Variants in GCNT2 observed in about 807,000 individuals in gnomAD.
GCNT2 encodes N-acetyllactosaminide beta-1,6-N-acetylglucosaminyl-transferase.
GCNT2 carries 34 observed loss-of-function variants against 34.2 expected under a neutral mutation model. The observed-to-expected ratio is 1.00, with a 90% CI of 0.76 to 1.32. The LOEUF is 1.32. Ranked by LOEUF, GCNT2 falls within the 40% of genes most tolerant of loss-of-function variation. The pLI is 0.00. For missense variants in GCNT2, 584 were observed against 489.4 expected (o/e 1.19, Z -1.82); for synonymous variants, 212 against 188.0 (o/e 1.13, Z -1.04).
Position 10,572,733 on chromosome 6 carries a change from C to CA in GCNT2, c.925+42906dup, listed in dbSNP as rs533706715. ...TGGATGACAGAGCGAGACTCCGTCTCAAAAAAAAATAAAAATAAAAATAAA... is the reference window on the plus strand; with the variant it reads ...TGGATGACAGAGCGAGACTCCGTCTCAAAAAAAAAATAAAAATAAAAATAAA... On this transcript the variant is annotated intron_variant, in intron 3 of 4. Transcript: ENST00000495262. 6.8e-3 allele frequency among the ~76,000 whole-genome samples: 1,014 copies of CA among 148,052 alleles called. 15 individuals are homozygous for CA. Among genetic ancestry groups the CA allele is most frequent in the Admixed American group, 0.038 (567 of 14,888 alleles).
At chr6:10,586,249 C>A in intron 3 of GCNT2, 1 of 1,614,152 alleles carries the variant, frequency 6.2e-7, no homozygotes. Context: ...ATCACAAGTC[C>A]CCTGTCGGAA....
At chr6:10,572,729 G>A (rs1763608530) in intron 3 of GCNT2, among the ~76,000 whole-genome samples, 1 of 151,478 alleles carries the variant, frequency 6.6e-6, no homozygotes, top group South Asian at 2.1e-4. Context: ...GCGAGACTCC[G>A]TCTCAAAAAA....
intron 3 of GCNT2, among the ~76,000 whole-genome samples, chr6:10,564,545 C>A (rs1177674854): frequency 1.3e-5 from 2 of 152,214 alleles, no homozygotes; most frequent in Non-Finnish European, 2.9e-5. Context: ...CCCCCGACAT[C>A]TGTCAACCTT....
chr6:10,540,837 C>T (rs1249329432), intron 3 of GCNT2, among the ~76,000 whole-genome samples: 3 of 152,144 alleles, frequency 2.0e-5, no homozygotes, highest in African/African-American at 4.8e-5. Flanking sequence ...TCCCCCATCA[C>T]TTCCACCAAC....
chr6:10,598,203 C>G (rs554015025), intron 3 of GCNT2, among the ~76,000 whole-genome samples: 3 of 152,306 alleles, frequency 2.0e-5, no homozygotes, highest in African/African-American at 7.2e-5. Context: ...TTTTGTTTCC[C>G]TGCTGTCAGA....
rs554768356 is a variant in GCNT2 at position 10,598,972 on chromosome 6, A to C, written c.926-22379A>C. The stretch of plus-strand genomic sequence containing the variant: ...GCATGGTGCCTAGTAAGTGTAAATA[A>C]GTGTTGTATTTATTCCACCCAATTG... On this transcript the variant is annotated intron_variant, in intron 3 of 4. Coordinates refer to ENST00000495262, the MANE Select transcript of GCNT2 (RefSeq NM_145649.5). 1.0e-3 allele frequency among the ~76,000 whole-genome samples: 153 copies of C among 152,300 alleles called. 2 individuals carry two copies. Among genetic ancestry groups the C allele is most frequent in the Admixed American group, 9.0e-3 (138 of 15,300 alleles).
At chr6:10,583,172 C>T (rs1236239282) in intron 3 of GCNT2, among the ~76,000 whole-genome samples, 4 of 152,168 alleles carry the variant, frequency 2.6e-5, no homozygotes, top group African/African-American at 7.2e-5. Flanking sequence ...CAAAGATCCC[C>T]GCCAACTCTC....
chr6:10,587,377 G>T (rs1222699856), intron 3 of GCNT2, among the ~76,000 whole-genome samples: 3 of 152,192 alleles, frequency 2.0e-5, no homozygotes, highest in Non-Finnish European at 4.4e-5. Context: ...AATCTTGGAA[G>T]CTGCTTCGGA....
chr6:10,601,943 G>GAAAAAAA (rs57927445), intron 3 of GCNT2, among the ~76,000 whole-genome samples: 2 of 113,054 alleles, frequency 1.8e-5, no homozygotes, highest in Non-Finnish European at 1.8e-5. Context: ...TCCATCTCAA[G>GAAAAAAA]AAAAAAAAAA....
intron 3 of GCNT2, among the ~76,000 whole-genome samples, chr6:10,552,300 T>TA (rs55844045): frequency 0.019 from 2,726 of 142,438 alleles, 40 homozygotes; most frequent in South Asian, 0.064. Flanking sequence ...ATTATCATGT[T>TA]AAAAAAAAAA....
chr6:10,600,458 GATAGTGGT>G (rs2127426759), intron 3 of GCNT2, among the ~76,000 whole-genome samples: 1 of 152,064 alleles, frequency 6.6e-6, no homozygotes, highest in African/African-American at 2.4e-5. Context: ...CGTGTGTTTT[GATAGTGGT>G]ATAGAGTCAC....
chr6:10,542,649 T>A (rs1435868931), intron 3 of GCNT2, among the ~76,000 whole-genome samples: 1 of 152,218 alleles, frequency 6.6e-6, no homozygotes, highest in Non-Finnish European at 1.5e-5. Context: ...GCCATGTTTT[T>A]AAGGTTCATC....
chr6:10,576,941 A>C (rs1349468763), intron 3 of GCNT2, among the ~76,000 whole-genome samples: 1 of 151,662 alleles, frequency 6.6e-6, no homozygotes, highest in Non-Finnish European at 1.5e-5. Context: ...ATAATAATAA[A>C]ATTAGCCAAG....
intron 3 of GCNT2, among the ~76,000 whole-genome samples, chr6:10,539,180 C>CT (rs71548847): frequency 0.033 from 2,162 of 65,258 alleles, 464 homozygotes; most frequent in African/African-American, 0.11. Context: ...CTCACCGTCT[C>CT]TTTTTTTTTT....
chr6:10,544,568 C>T (rs556873336), intron 3 of GCNT2, among the ~76,000 whole-genome samples: 6 of 151,890 alleles, frequency 4.0e-5, no homozygotes, highest in African/African-American at 1.5e-4. Flanking sequence ...CACCACACTG[C>T]ACTCCAGCCT....
intron 3 of GCNT2, among the ~76,000 whole-genome samples, chr6:10,559,702 AGAGAGCAACTGCCTG>A (rs1303903279): frequency 6.6e-6 from 1 of 152,262 alleles, no homozygotes; most frequent in Non-Finnish European, 1.5e-5. Context: ...GAGCTCCTCC[AGAGAGCAACTGCCTG>A]GAGAGGAAGG....
At chr6:10,549,563 CTTTTTTTTTT>C (rs33909973) in intron 3 of GCNT2, among the ~76,000 whole-genome samples, 10 of 104,300 alleles carry the variant, frequency 9.6e-5, no homozygotes, top group Admixed American at 4.0e-4. Context: ...ATCTCTCTCT[CTTTTTTTTTT>C]TTTTTTTTTT....
At chr6:10,577,884 C>G (rs1763892043) in intron 3 of GCNT2, among the ~76,000 whole-genome samples, 1 of 151,604 alleles carries the variant, frequency 6.6e-6, no homozygotes, top group Admixed American at 6.6e-5. Flanking sequence ...TGTTTTTGAA[C>G]TTCGTGGTGG....
chr6:10,618,999 C>A (rs184994955), intron 3 of GCNT2, among the ~76,000 whole-genome samples: 15 of 152,276 alleles, frequency 9.9e-5, no homozygotes, highest in African/African-American at 3.6e-4. Flanking sequence ...CAAATCAGAT[C>A]ATCATATAAT....
Sources: allele counts gnomAD v4.1 joint callset (sites outside exome capture counted in the v4.1 genomes callset), GRCh38; gene constraint gnomAD v4.1.1; transcripts MANE v1.5; gene names NCBI Gene and HGNC (gene_info 2026-07-23, HGNC 2026-07-21).